The following ZNF195 variants were observed in gnomAD, a reference collection of about 807,000 sequenced individuals.
ZNF195 encodes the protein zinc finger protein 195.
Under a neutral mutation model 19.5 loss-of-function variants are expected in ZNF195, and 11 were observed. That is an observed-to-expected ratio of 0.57 (90% CI 0.36 to 0.94). ZNF195 has a LOEUF of 0.94. ZNF195 is among the 40% of genes least tolerant of loss of function. The pLI is 0.01. For synonymous variants in ZNF195, 214 were observed against 248.1 expected (o/e 0.86, Z 1.29); for missense variants, 582 against 709.0 (o/e 0.82, Z 2.03).
Position 3,359,093 on chromosome 11 carries a change from ATTT to A in ZNF195, c.*22_*24del, listed in dbSNP as rs1348111656. The A allele has an allele frequency of 6.6e-7, 1 of 1,520,462 alleles. No individual in the cohort carries two copies. The highest frequency in any genetic ancestry group is 1.4e-5 in the African/African-American group (1 of 71,594). The allele number at this position is 1,520,462 out of a possible 1,614,324, so 94.2% of individuals were successfully genotyped here. ...CGAGCAGATACTAACGGCTTTGCCT[ATTT>A]TTATATTTGTTTATTTTTTTCTCAA... On this transcript the variant is annotated 3_prime_UTR_variant, in exon 6 of 6. Coordinates refer to ENST00000399602, the MANE Select transcript of ZNF195 (RefSeq NM_001130520.3). The surrounding 1 kb of genome is among the most constrained non-coding windows in gnomAD (Gnocchi z 5.5).
intron 3 of ZNF195, among the ~76,000 whole-genome samples, chr11:3,370,113 T>C (rs1849121697): frequency 6.6e-6 from 1 of 152,100 alleles, no homozygotes. Flanking sequence ...AACAGAATAT[T>C]ACTCCAGCAT....
At chr11:3,369,993 C>T (rs544415953) in intron 3 of ZNF195, among the ~76,000 whole-genome samples, 12 of 152,240 alleles carry the variant, frequency 7.9e-5, no homozygotes, top group African/African-American at 2.2e-4. Context: ...AATATATACA[C>T]AATTTTTATT....
At chr11:3,372,667 TAAATATCTCCTATGTTCTGAC>T (rs1311196132) in intron 1 of ZNF195, among the ~76,000 whole-genome samples, 1 of 152,142 alleles carries the variant, frequency 6.6e-6, no homozygotes, top group Admixed American at 6.5e-5. Context: ...TTCTGACAAA[TAAATATCTCCTATGTTCTGAC>T]AAATATCTCC....
At chr11:3,372,258 A>G (rs1849247136) in intron 1 of ZNF195, among the ~76,000 whole-genome samples, 1 of 152,262 alleles carries the variant, frequency 6.6e-6, no homozygotes. Flanking sequence ...GCATATGCAA[A>G]AAGAATCTAA....
intron 1 of ZNF195, 82 bp downstream of exon 1, chr11:3,378,936 GAGCCCGGAACCCACCCGGGC>G (rs1450604181): frequency 7.9e-7 from 1 of 1,267,874 alleles, no homozygotes; most frequent in Non-Finnish European, 1.0e-6. Flanking sequence ...CGGGTCCGCG[GAGCCCGGAACCCACCCGGGC>G]AGCCCGGTTC....
At chr11:3,363,822 T>C (rs1050525302) in intron 3 of ZNF195, among the ~76,000 whole-genome samples, 3 of 152,088 alleles carry the variant, frequency 2.0e-5, no homozygotes, top group Non-Finnish European at 2.9e-5. Context: ...GGCAGACAAA[T>C]AGACCAATAA....
intron 4 of ZNF195, among the ~76,000 whole-genome samples, chr11:3,361,277 T>C (rs115804301): frequency 1.2e-3 from 178 of 152,322 alleles, no homozygotes; most frequent in African/African-American, 4.0e-3. Flanking sequence ...ATAAAGGTTG[T>C]GGCAGGAGGC....
chr11:3,378,945 A>T lies in ZNF195; in HGVS notation c.3+93T>A, dbSNP rs1040307883. 4 of 1,289,292 alleles carry T rather than the reference A, an allele frequency of 3.1e-6. No individual in the cohort carries two copies. In the African/African-American group the frequency reaches 4.6e-5, roughly 15 times the overall value. 79.9% of individuals were successfully genotyped at this position (1,289,292 alleles called of 1,614,324 possible). ...GGGCCTCGGGTCCGCGGAGCCCGGA[A>T]CCCACCCGGGCAGCCCGGTTCCTCC... On this transcript the variant is annotated intron_variant, in intron 1 of 5. Coordinates refer to ENST00000399602, the MANE Select transcript of ZNF195 (RefSeq NM_001130520.3).
At chr11:3,364,816 A>G (rs531164553) in intron 3 of ZNF195, among the ~76,000 whole-genome samples, 1 of 152,372 alleles carries the variant, frequency 6.6e-6, no homozygotes, top group East Asian at 1.9e-4. Flanking sequence ...TAGTAACTTC[A>G]TTTCCTTCAG....
chr11:3,375,230 G>A (rs1849403372), intron 1 of ZNF195, among the ~76,000 whole-genome samples: 1 of 152,122 alleles, frequency 6.6e-6, no homozygotes, highest in African/African-American at 2.4e-5. Flanking sequence ...TATGCTACTA[G>A]AGTATTTACA....
intron 1 of ZNF195, among the ~76,000 whole-genome samples, chr11:3,376,703 T>C (rs959415205): frequency 6.6e-6 from 1 of 152,238 alleles, no homozygotes; most frequent in Non-Finnish European, 1.5e-5. Flanking sequence ...GAACTTGTCA[T>C]TTAACTATTT....
At position 3,360,725 on chromosome 11, in the gene ZNF195, G is replaced by A; in HGVS notation, c.437C>T (p.Ser146Leu). ...ACATATAAATGTAACAATACCTAGT[G>A]AGAAGATGCATCTGAACTCTAAAAA... is the stretch of plus-strand genomic sequence containing the variant. Reference protein sequence around the residue: ...KWFLEFRCIFSLAMSSHFTQD... With the variant: ...KWFLEFRCIFLLAMSSHFTQD... Residue 146 changes from serine (S) to leucine (L), a missense_variant, in exon 5 of 6, where the codon TCA (serine) becomes TTA (leucine). Ser to Leu is a moderately radical substitution (Grantham distance 145, BLOSUM62 -2). Transcript: ENST00000399602. 1 of 1,551,582 alleles carries A rather than the reference G, an allele frequency of 6.4e-7. No homozygotes were observed. Among genetic ancestry groups the A allele is most frequent in the Non-Finnish European group, 8.7e-7 (1 of 1,146,974 alleles).
rs1440789932 is a variant in ZNF195, at chr11:3,371,787, G to A, written c.4-84C>T. ...AGAGAACTGGTTCTGACTTACACAAGTGACTGAAATTATACAATAAGGTAA... is the reference window on the plus strand; with the variant it reads ...AGAGAACTGGTTCTGACTTACACAAATGACTGAAATTATACAATAAGGTAA... On this transcript the variant is annotated intron_variant, in intron 1 of 5. Transcript: ENST00000399602. The A allele has an allele frequency of 2.8e-6, 4 of 1,441,250 alleles. No individual in the cohort carries two copies. The Admixed American group carries it at 6.8e-5, about 24-fold the overall frequency. 89.3% of individuals were successfully genotyped at this position (1,441,250 alleles called of 1,614,324 possible).
intron 1 of ZNF195, among the ~76,000 whole-genome samples, chr11:3,373,128 T>C (rs1849297096): frequency 6.6e-6 from 1 of 152,242 alleles, no homozygotes; most frequent in African/African-American, 2.4e-5. Context: ...CTTTGAGTTA[T>C]TCTGAGAGAT....
intron 3 of ZNF195, chr11:3,367,063 TAAAAAAA>T: frequency 6.8e-6 from 1 of 147,786 alleles, no homozygotes; most frequent in Non-Finnish European, 1.3e-5. Flanking sequence ...AAACTCTGTG[TAAAAAAA>T]AAAAAAAAAG....
At chr11:3,360,985 T>G (rs6578336) in intron 4 of ZNF195, among the ~76,000 whole-genome samples, 197 bp from the exon 5 acceptor site, 19 of 152,134 alleles carry the variant, frequency 1.2e-4, no homozygotes, top group Non-Finnish European at 1.6e-4. Context: ...TTCTGCCCCC[T>G]GTGACACGGA....
intron 1 of ZNF195, among the ~76,000 whole-genome samples, chr11:3,376,421 C>T (rs1012160281): frequency 6.6e-6 from 1 of 152,126 alleles, no homozygotes; most frequent in African/African-American, 2.4e-5. Context: ...CCCAGGCCAG[C>T]ATGTGGCCCA....
chr11:3,364,806 T>C (rs1848786787), intron 3 of ZNF195, among the ~76,000 whole-genome samples: 1 of 152,250 alleles, frequency 6.6e-6, no homozygotes, highest in Non-Finnish European at 1.5e-5. Flanking sequence ...AAGATGGTGA[T>C]AGTAACTTCA....
intron 3 of ZNF195, chr11:3,362,158 A>G (rs1848666378): frequency 1.1e-5 from 3 of 271,774 alleles, no homozygotes; most frequent in South Asian, 1.0e-4. Flanking sequence ...AGTGTCCTAC[A>G]AAATCATAAA....
Sources: allele counts gnomAD v4.1 joint callset (sites outside exome capture counted in the v4.1 genomes callset), GRCh38; gene constraint gnomAD v4.1.1; non-coding constraint Gnocchi (gnomAD v3.1); transcripts MANE v1.5; gene names NCBI Gene and HGNC (gene_info 2026-07-23, HGNC 2026-07-21).